Variants in DPF3 observed in about 807,000 individuals in gnomAD.
DPF3 encodes the protein zinc finger protein DPF3.
DPF3 carries 18 observed loss-of-function variants against 56.8 expected under a neutral mutation model. That is an observed-to-expected ratio of 0.32 (90% confidence interval 0.22 to 0.47). DPF3 has a LOEUF of 0.47. DPF3 is among the 20% of genes least tolerant of loss of function. DPF3 has a pLI of 1.00. For missense variants in DPF3, 403 were observed against 488.8 expected (o/e 0.82, Z 1.65); for synonymous variants, 188 against 180.2 (o/e 1.04, Z -0.35).
intron 9 of DPF3, among the ~76,000 whole-genome samples, chr14:72,624,938 AC>A (rs1431322245): frequency 1.3e-5 from 2 of 152,292 alleles, no homozygotes; most frequent in Non-Finnish European, 2.9e-5. Flanking sequence ...ACGTCTTATT[AC>A]TTGTAATGTT....
At chr14:72,797,720 A>G (rs955427985) in intron 1 of DPF3, among the ~76,000 whole-genome samples, 5 of 152,210 alleles carry the variant, frequency 3.3e-5, no homozygotes, top group Non-Finnish European at 5.9e-5. Flanking sequence ...CAAATAGAAA[A>G]GAAAGTTTCA....
At chr14:72,647,154 C>A (rs1381755827) in intron 8 of DPF3, among the ~76,000 whole-genome samples, 2 of 152,170 alleles carry the variant, frequency 1.3e-5, no homozygotes, top group Non-Finnish European at 2.9e-5. Flanking sequence ...GGATCAAGAC[C>A]ATGGGCTATG....
chr14:72,851,700 T>C (rs1259313394), intron 1 of DPF3, among the ~76,000 whole-genome samples: 1 of 152,182 alleles, frequency 6.6e-6, no homozygotes, highest in East Asian at 1.9e-4. Context: ...TCCCGAGGGA[T>C]GAGTATTTTG....
chr14:72,824,551 CTTTTT>C (rs375498304), intron 1 of DPF3, among the ~76,000 whole-genome samples: 2 of 143,256 alleles, frequency 1.4e-5, no homozygotes, highest in African/African-American at 2.6e-5. Flanking sequence ...TTTTCTTTTT[CTTTTT>C]TTTTTTTTGT....
At chr14:72,733,311 G>A (rs1434182528) in intron 3 of DPF3, among the ~76,000 whole-genome samples, 1 of 152,126 alleles carries the variant, frequency 6.6e-6, no homozygotes, top group Non-Finnish European at 1.5e-5. Context: ...TGCTCTTTTG[G>A]GGGTATTGAG....
chr14:72,685,122 A>G (rs1249604067), intron 7 of DPF3, among the ~76,000 whole-genome samples: 1 of 152,200 alleles, frequency 6.6e-6, no homozygotes, highest in Admixed American at 6.5e-5. Flanking sequence ...TTTTGTTAAG[A>G]CAGTGCCTAT....
At chr14:72,770,520 T>G (rs1372646814) in intron 2 of DPF3, among the ~76,000 whole-genome samples, 1 of 152,238 alleles carries the variant, frequency 6.6e-6, no homozygotes, top group Non-Finnish European at 1.5e-5. Flanking sequence ...TGTGTTTGTT[T>G]GTTTAAGTTC....
Position 72,875,634 on chromosome 14 carries a change from C to T in DPF3, c.32+18423G>A, listed in dbSNP as rs925771920. On this transcript the variant is annotated intron_variant, in intron 1 of 10. Transcript: ENST00000556509. ...AGCCGTGGGTCACACAGCAACTGCT[C>T]CCAGCCTCCTGCTCCCCACCATGGA... 3.3e-5 allele frequency among the ~76,000 whole-genome samples: 5 copies of T among 152,336 alleles called. No homozygotes were observed. The East Asian group carries it at 9.6e-4, about 29-fold the overall frequency.
intron 1 of DPF3, among the ~76,000 whole-genome samples, chr14:72,801,168 A>G (rs1892876360): frequency 6.6e-6 from 1 of 152,212 alleles, no homozygotes; most frequent in South Asian, 2.1e-4. Context: ...ATCTACTTGG[A>G]TCTGGGCAGG....
At chr14:72,787,131 AG>A (rs796601946) in intron 1 of DPF3, among the ~76,000 whole-genome samples, 7 of 152,350 alleles carry the variant, frequency 4.6e-5, no homozygotes, top group African/African-American at 1.7e-4. Flanking sequence ...GGCATGGAAG[AG>A]ACTGTCTTTA....
At chr14:72,854,572 A>T (rs17121710) in intron 1 of DPF3, among the ~76,000 whole-genome samples, 3,858 of 152,328 alleles carry the variant, frequency 0.025, 169 homozygotes, top group African/African-American at 0.086. Flanking sequence ...TAAGCTGATA[A>T]GAAAATCCAA....
Position 72,823,093 on chromosome 14 carries a change from C to A in DPF3, c.33-51200G>T, listed in dbSNP as rs907709449. Among the ~76,000 whole-genome samples, 6 of 152,150 alleles carry A rather than the reference C, an allele frequency of 3.9e-5. No individual in the cohort carries two copies. In the East Asian group the frequency reaches 1.2e-3, roughly 29 times the overall value. On this transcript the variant is annotated intron_variant, in intron 1 of 10. Transcript: ENST00000556509. Reference sequence around the variant, plus strand: ...AAAACCAAAGTTTTAGTCACAAAAACCAAATGGGTTGGCGAGGGAAGGTGG... The same window carrying A: ...AAAACCAAAGTTTTAGTCACAAAAAACAAATGGGTTGGCGAGGGAAGGTGG...
intron 7 of DPF3, among the ~76,000 whole-genome samples, chr14:72,676,571 T>A (rs1026752588): frequency 8.5e-5 from 13 of 152,204 alleles, no homozygotes; most frequent in African/African-American, 2.9e-4. Context: ...CCACATGTCA[T>A]GGGAGAGACT....
intron 6 of DPF3, among the ~76,000 whole-genome samples, 194 bp downstream of exon 6, chr14:72,714,229 C>A (rs1298971163): frequency 6.6e-6 from 1 of 152,186 alleles, no homozygotes. Flanking sequence ...TCTGCAGAAA[C>A]CCCCTGGGGC....
intron 7 of DPF3, among the ~76,000 whole-genome samples, chr14:72,681,080 G>A (rs1214089568): frequency 2.0e-5 from 3 of 152,216 alleles, no homozygotes; most frequent in Admixed American, 2.0e-4. Context: ...GTCCTTCACT[G>A]CGGTATCCCT....
intron 8 of DPF3, chr14:72,661,260 C>G: frequency 1.0e-6 from 1 of 985,398 alleles, no homozygotes; most frequent in Non-Finnish European, 1.2e-6. Flanking sequence ...TACAGACACT[C>G]TCGGTGATCC....
In DPF3 at chr14:72,843,432, G is replaced by A. The variant is rs143634213; in HGVS notation, c.32+50625C>T. ...ATCTGTTAAAGAGATCTGATCAATG[G>A]TGACAAAATGGAAGCCAGAGATGGA... On this transcript the variant is annotated intron_variant, in intron 1 of 10. Transcript: ENST00000556509. Among the ~76,000 whole-genome samples, 11 of 152,318 alleles carry A rather than the reference G, an allele frequency of 7.2e-5. No homozygotes were observed. In the East Asian group the frequency reaches 2.1e-3, roughly 29 times the overall value.
At chr14:72,729,889 C>T (rs1459427926) in intron 4 of DPF3, among the ~76,000 whole-genome samples, 1 of 152,068 alleles carries the variant, frequency 6.6e-6, no homozygotes, top group Non-Finnish European at 1.5e-5. Context: ...GAATGCACAA[C>T]GCCAAGAGTG....
intron 8 of DPF3, chr14:72,671,201 G>T (rs375726020): frequency 1.2e-6 from 2 of 1,613,934 alleles, no homozygotes; most frequent in South Asian, 2.2e-5. Flanking sequence ...CGACAGGAGC[G>T]AGGCTCTTCC....
Sources: allele counts gnomAD v4.1 joint callset (sites outside exome capture counted in the v4.1 genomes callset), GRCh38; gene constraint gnomAD v4.1.1; transcripts MANE v1.5; gene names NCBI Gene and HGNC (gene_info 2026-07-23, HGNC 2026-07-21).